The following PCDH7 variants were observed in gnomAD, a reference collection of about 807,000 sequenced individuals.
PCDH7 encodes protocadherin 7.
Under a neutral mutation model 58.9 loss-of-function variants are expected in PCDH7, and 17 were observed. That is an observed-to-expected ratio of 0.29 (90% CI 0.20 to 0.43). PCDH7 has a LOEUF of 0.43. Ranked by LOEUF, PCDH7 falls within the 20% of genes least tolerant of loss-of-function variation. The pLI is 1.00. For synonymous variants in PCDH7, 664 were observed against 616.4 expected (o/e 1.08, Z -1.14); for missense variants, 1,274 against 1,441.0 (o/e 0.88, Z 1.88).
At chr4:30,828,017 C>T (rs1389761599) in intron 1 of PCDH7, among the ~76,000 whole-genome samples, 1 of 152,086 alleles carries the variant, frequency 6.6e-6, no homozygotes, top group African/African-American at 2.4e-5. Context: ...TCTGTTGCCT[C>T]ATCTATAAAA....
intron 1 of PCDH7, among the ~76,000 whole-genome samples, chr4:30,840,890 C>G (rs1198506045): frequency 6.6e-6 from 1 of 151,094 alleles, no homozygotes; most frequent in Non-Finnish European, 1.5e-5. Context: ...TTTCTTTGGC[C>G]CTTTTTTTTT....
At chr4:30,730,680 G>T in intron 1 of PCDH7, 1 of 1,107,312 alleles carries the variant, frequency 9.0e-7, no homozygotes, top group Non-Finnish European at 1.3e-6. Context: ...TTCCAATTGG[G>T]CATAAGACAC....
intron 1 of PCDH7, among the ~76,000 whole-genome samples, chr4:30,794,442 C>T (rs1227851819): frequency 6.6e-6 from 1 of 152,080 alleles, no homozygotes; most frequent in African/African-American, 2.4e-5. Flanking sequence ...TCTTATTTCC[C>T]CTCTTAAAAA....
chr4:31,001,054 G>T (rs1752327588), intron 3 of PCDH7, among the ~76,000 whole-genome samples: 1 of 152,002 alleles, frequency 6.6e-6, no homozygotes, highest in Admixed American at 6.6e-5. Context: ...ACAAATTTAT[G>T]TCTAATATGT....
chr4:31,088,070 C>A (rs189393231), intron 3 of PCDH7, among the ~76,000 whole-genome samples: 2 of 151,974 alleles, frequency 1.3e-5, no homozygotes, highest in East Asian at 3.9e-4. Flanking sequence ...TAAATTGATT[C>A]GAAATTGGAA....
In PCDH7 at chr4:30,794,671, A is replaced by AC. The variant is rs1490668827; in HGVS notation, c.70+70076dup. On this transcript the variant is annotated intron_variant, in intron 1 of 3. Transcript: ENST00000509759. ...GTTGAACACATAAATTCAAAGGCTC[A>AC]CTTTTTTTTTAGTAGGGATTTTTGG... is the stretch of plus-strand genomic sequence containing the variant. Among the ~76,000 whole-genome samples, 4 of 147,718 alleles carry AC rather than the reference A, an allele frequency of 2.7e-5. No individual in the cohort carries two copies. In the South Asian group the frequency reaches 6.6e-4, roughly 25 times the overall value.
exon 4 of PCDH7, chr4:31,142,552 C>T: frequency 7.3e-7 from 1 of 1,367,770 alleles, no homozygotes; most frequent in Non-Finnish European, 9.8e-7. Context: ...CAGACTCCTG[C>T]TGGATGCCGG....
intron 1 of PCDH7, among the ~76,000 whole-genome samples, chr4:30,747,621 C>T (rs1039084251): frequency 1.6e-4 from 24 of 152,356 alleles, no homozygotes; most frequent in African/African-American, 5.5e-4. Context: ...CTGCCTCTCT[C>T]ACATTTAAGG....
intron 3 of PCDH7, among the ~76,000 whole-genome samples, chr4:31,051,413 A>T (rs2109220973): frequency 6.6e-6 from 1 of 152,310 alleles, no homozygotes; most frequent in Admixed American, 6.5e-5. Context: ...AGAGCAGCAG[A>T]ACTATAGGAT....
intron 3 of PCDH7, among the ~76,000 whole-genome samples, chr4:31,012,418 A>G (rs556268071): frequency 6.6e-6 from 1 of 151,096 alleles, no homozygotes; most frequent in African/African-American, 2.4e-5. Context: ...CTAGAAAAGC[A>G]AAACAGCAAC....
chr4:31,135,373 T>A (rs1719473695), intron 3 of PCDH7, among the ~76,000 whole-genome samples: 1 of 152,138 alleles, frequency 6.6e-6, no homozygotes, highest in Non-Finnish European at 1.5e-5. Flanking sequence ...TGAGCAACCA[T>A]GACACGTGAT....
At chr4:31,100,854 G>A (rs929345195) in intron 3 of PCDH7, among the ~76,000 whole-genome samples, 2 of 152,084 alleles carry the variant, frequency 1.3e-5, no homozygotes, top group African/African-American at 4.8e-5. Context: ...ATTTATCTTT[G>A]GCATGTGGAA....
chr4:30,903,875 T>C (rs1740546854), intron 1 of PCDH7, among the ~76,000 whole-genome samples: 1 of 152,192 alleles, frequency 6.6e-6, no homozygotes, highest in Admixed American at 6.6e-5. Context: ...AAAAGGATAC[T>C]ACATGTAAAA....
At chr4:30,905,297 T>C (rs1740773589) in intron 1 of PCDH7, among the ~76,000 whole-genome samples, 1 of 152,152 alleles carries the variant, frequency 6.6e-6, no homozygotes, top group African/African-American at 2.4e-5. Flanking sequence ...CTCTTCAGCA[T>C]TGCTCCCTTG....
chr4:30,817,217 A>G (rs1354243633), intron 1 of PCDH7, among the ~76,000 whole-genome samples: 1 of 152,208 alleles, frequency 6.6e-6, no homozygotes, highest in Non-Finnish European at 1.5e-5. Context: ...TAAGCAGGTC[A>G]TCTCACTTTT....
chr4:30,911,571 A>T (rs1055607227), intron 1 of PCDH7, among the ~76,000 whole-genome samples: 1 of 152,202 alleles, frequency 6.6e-6, no homozygotes, highest in African/African-American at 2.4e-5. Flanking sequence ...AATATAGAGG[A>T]ACCACAATTT....
At chr4:30,899,388 TG>T (rs1286710117) in intron 1 of PCDH7, among the ~76,000 whole-genome samples, 1 of 152,214 alleles carries the variant, frequency 6.6e-6, no homozygotes, top group Non-Finnish European at 1.5e-5. Context: ...GTTATATTCT[TG>T]TTTAATAATC....
chr4:30,956,420 CT>C (rs1747874059), intron 3 of PCDH7, among the ~76,000 whole-genome samples: 1 of 152,104 alleles, frequency 6.6e-6, no homozygotes, highest in Non-Finnish European at 1.5e-5. Context: ...TAGTAAAGTG[CT>C]TTATATTATC....
At chr4:30,946,579 A>G (rs1746706030) in intron 2 of PCDH7, among the ~76,000 whole-genome samples, 1 of 151,560 alleles carries the variant, frequency 6.6e-6, no homozygotes, top group Non-Finnish European at 1.5e-5. Context: ...TCTTTTATAC[A>G]CATCCTATCC....
Sources: allele counts gnomAD v4.1 joint callset (sites outside exome capture counted in the v4.1 genomes callset), GRCh38; gene constraint gnomAD v4.1.1; transcripts MANE v1.5; gene names NCBI Gene and HGNC (gene_info 2026-07-23, HGNC 2026-07-21).